The following VWA2 variants were observed in gnomAD, a reference collection of about 807,000 sequenced individuals.
The protein encoded by VWA2 is von Willebrand factor A domain-containing protein 2.
In VWA2, 73 loss-of-function variants were observed where a neutral mutation model predicts 70.4. The observed-to-expected ratio is 1.04, with a 90% CI of 0.86 to 1.26. The LOEUF (loss-of-function observed/expected upper bound fraction) is 1.26, where lower values mean the gene tolerates loss of function less well. Ranked by LOEUF, VWA2 falls within the 50% of genes most tolerant of loss-of-function variation. The pLI is 0.00. For synonymous variants in VWA2, 407 were observed against 423.3 expected (o/e 0.96, Z 0.47); for missense variants, 1,011 against 998.5 (o/e 1.01, Z -0.17).
chr10:114,265,101 G>A (rs978240084), intron 5 of VWA2, among the ~76,000 whole-genome samples: 12 of 152,320 alleles, frequency 7.9e-5, no homozygotes, highest in Non-Finnish European at 1.3e-4. Flanking sequence ...AGGGGCTGAC[G>A]GGAATGAGGA....
intron 13 of VWA2, among the ~76,000 whole-genome samples, chr10:114,290,930 A>G (rs1489427004): frequency 6.6e-6 from 1 of 152,194 alleles, no homozygotes. Context: ...GAGGCATTAG[A>G]GGTCCAACTA....
At chr10:114,256,554 T>C (rs994763029) in intron 4 of VWA2, among the ~76,000 whole-genome samples, 2 of 152,186 alleles carry the variant, frequency 1.3e-5, no homozygotes, top group African/African-American at 4.8e-5. Flanking sequence ...GGCAGACTCA[T>C]CAATACAGAC....
intron 4 of VWA2, among the ~76,000 whole-genome samples, chr10:114,255,332 G>C (rs1318638135): frequency 6.6e-6 from 1 of 151,726 alleles, no homozygotes; most frequent in African/African-American, 2.4e-5. Flanking sequence ...TGTTCCTCAA[G>C]CTAGTGACCC....
At chr10:114,270,211 G>T (rs992399976) in intron 5 of VWA2, among the ~76,000 whole-genome samples, 2 of 152,254 alleles carry the variant, frequency 1.3e-5, no homozygotes, top group East Asian at 3.9e-4. Context: ...ATGAGAGTCA[G>T]GTGCCTTCAC....
chr10:114,282,589 G>A lies in VWA2; in HGVS notation c.889+18G>A. 3 of 1,613,144 alleles carry A rather than the reference G, an allele frequency of 1.9e-6. No individual in the cohort carries two copies. Among genetic ancestry groups the A allele is most frequent in the Non-Finnish European group, 2.5e-6 (3 of 1,179,140 alleles). On this transcript the variant is annotated intron_variant, in intron 9 of 13. Transcript: ENST00000392982. Reference sequence around the variant, plus strand: ...CTGCCCAGGTATGGTCTGTCTCTTGGATTTACAGGTTCTTTCAGGGCCCTG... The same window carrying A: ...CTGCCCAGGTATGGTCTGTCTCTTGAATTTACAGGTTCTTTCAGGGCCCTG...
At chr10:114,278,445 C>T (rs1316628208) in intron 7 of VWA2, among the ~76,000 whole-genome samples, 2 of 152,192 alleles carry the variant, frequency 1.3e-5, no homozygotes, top group African/African-American at 2.4e-5. Context: ...ACATTGATGA[C>T]GTTATGTGGA....
chr10:114,261,252 A>G lies in VWA2; in HGVS notation c.328A>G (p.Thr110Ala), dbSNP rs2037438763. The G allele has an allele frequency of 2.5e-6, 4 of 1,613,996 alleles. No homozygotes were observed. Among genetic ancestry groups the G allele is most frequent in the Middle Eastern group, 1.6e-4 (1 of 6,084 alleles). Residue 110 changes from threonine (T) to alanine (A), a missense_variant, in exon 5 of 14, where the codon ACC becomes GCC. Coordinates refer to ENST00000392982, the MANE Select transcript of VWA2 (RefSeq NM_001272046.2). ...GGAATTCCCCTTGGATTCATTTTCA[A>G]CCCAACAGGAAGTGAAGGCAAGAAT... ...HLEFPLDSFSTQQEVKARIKR... is the reference protein window; with the variant it reads ...HLEFPLDSFSAQQEVKARIKR...
At chr10:114,267,009 TATTTA>T (rs1463335901) in intron 5 of VWA2, among the ~76,000 whole-genome samples, 1 of 152,228 alleles carries the variant, frequency 6.6e-6, no homozygotes, top group South Asian at 2.1e-4. Context: ...TATCACAATA[TATTTA>T]ATTATTCTCC....
intron 6 of VWA2, among the ~76,000 whole-genome samples, chr10:114,275,465 A>G (rs2037816422): frequency 6.6e-6 from 1 of 152,160 alleles, no homozygotes; most frequent in South Asian, 2.1e-4. Context: ...ATTGCCAAAG[A>G]TTTGTCCATG....
chr10:114,248,033 G>A (rs912823513), intron 1 of VWA2, among the ~76,000 whole-genome samples: 7 of 151,834 alleles, frequency 4.6e-5, no homozygotes, highest in African/African-American at 9.7e-5. Flanking sequence ...CTTGAACCCC[G>A]GGAGGCGGAG....
Position 114,293,138 on chromosome 10 carries a change from A to G in VWA2, c.*1901A>G, listed in dbSNP as rs970503249. Among the ~76,000 whole-genome samples, 2 of 152,242 alleles carry G rather than the reference A, an allele frequency of 1.3e-5. No individual in the cohort carries two copies. Among genetic ancestry groups the G allele is most frequent in the Admixed American group, 6.5e-5 (1 of 15,280 alleles). On this transcript the variant is annotated 3_prime_UTR_variant, in exon 14 of 14. Transcript: ENST00000392982. ...CAGTATCACCAAGATTTTAGATATT[A>G]AAAAGTCTGGTGTACCAGACATTGA...
At chr10:114,254,729 T>A (rs1274621312) in intron 3 of VWA2, among the ~76,000 whole-genome samples, 186 bp from the exon 4 acceptor site, 1 of 152,198 alleles carries the variant, frequency 6.6e-6, no homozygotes. Flanking sequence ...AGGGCACATT[T>A]GTGAGCAGCA....
intron 6 of VWA2, among the ~76,000 whole-genome samples, chr10:114,275,739 C>T (rs556217157): frequency 6.6e-6 from 1 of 152,172 alleles, no homozygotes; most frequent in Admixed American, 6.5e-5. Context: ...ACCAGCCTGG[C>T]AAACAGGATG....
At chr10:114,252,940 G>A (rs552848946) in intron 2 of VWA2, among the ~76,000 whole-genome samples, 4 of 151,846 alleles carry the variant, frequency 2.6e-5, no homozygotes, top group South Asian at 2.1e-4. Flanking sequence ...TGACCTGGCC[G>A]CTCCTGGGCT....
chr10:114,241,852 C>T (rs1435497451), intron 1 of VWA2, among the ~76,000 whole-genome samples: 1 of 151,922 alleles, frequency 6.6e-6, no homozygotes, highest in African/African-American at 2.4e-5. Flanking sequence ...AATAGAATTG[C>T]TCATTTTTAA....
chr10:114,267,404 A>G (rs2037594635), intron 5 of VWA2, among the ~76,000 whole-genome samples: 1 of 151,098 alleles, frequency 6.6e-6, no homozygotes, highest in Non-Finnish European at 1.5e-5. Flanking sequence ...GTTGTGAGCC[A>G]CCGCGCCGGC....
At chr10:114,255,303 C>T (rs1323572192) in intron 4 of VWA2, among the ~76,000 whole-genome samples, 1 of 151,754 alleles carries the variant, frequency 6.6e-6, no homozygotes, top group African/African-American at 2.4e-5. Flanking sequence ...TTTCCTGACA[C>T]AGCCAAGTTG....
chr10:114,267,737 TG>T (rs1231468976), intron 5 of VWA2, among the ~76,000 whole-genome samples: 2 of 152,082 alleles, frequency 1.3e-5, no homozygotes, highest in Non-Finnish European at 2.9e-5. Flanking sequence ...CCACAGTGCC[TG>T]GCTTCTTATG....
rs757473735 is a variant in VWA2 at position 114,261,305 on chromosome 10, A to T, written c.371+10A>T. 6.2e-7 allele frequency: 1 copy of T among 1,603,878 alleles called. No individual in the cohort carries two copies. The highest frequency in any genetic ancestry group is 1.1e-5 in the South Asian group (1 of 90,878). ...AGAGGATGGTTTTCAAGTATGTATG[A>T]TCAGATACTGCTGTGGTTAGGGTGA... On this transcript the variant is annotated intron_variant, in intron 5 of 13. Transcript: ENST00000392982.
Sources: allele counts gnomAD v4.1 joint callset (sites outside exome capture counted in the v4.1 genomes callset), GRCh38; gene constraint gnomAD v4.1.1; transcripts MANE v1.5; gene names NCBI Gene and HGNC (gene_info 2026-07-23, HGNC 2026-07-21).